CNTN6: variants seen among roughly 807,000 people sequenced by gnomAD.
The protein encoded by CNTN6 is contactin-6.
Under a neutral mutation model 122.8 loss-of-function variants are expected in CNTN6, and 137 were observed. That is an observed-to-expected ratio of 1.12 (90% CI 0.97 to 1.29). CNTN6 has a LOEUF of 1.29. Among genes scored for constraint, CNTN6 ranks in the 50% most tolerant of loss-of-function variants. The probability of loss-of-function intolerance (pLI) is 0.00; values close to 1 mark genes in which losing one functional copy is unlikely to be tolerated. For synonymous variants in CNTN6, 570 were observed against 426.0 expected, an observed-to-expected ratio of 1.34 and a Z score of -4.16; for missense variants, 1,634 against 1,223.4, an observed-to-expected ratio of 1.34 and a Z score of -5.01.
chr3:1,244,878 G>A (rs574411305), intron 4 of CNTN6, among the ~76,000 whole-genome samples: 3 of 134,634 alleles, frequency 2.2e-5, no homozygotes, highest in Admixed American at 1.7e-4. Context: ...TCTTAAGGGT[G>A]GGGGAGACTA....
At chr3:1,300,358 T>G in intron 7 of CNTN6, among the ~76,000 whole-genome samples, 1 of 151,496 alleles carries the variant, frequency 6.6e-6, no homozygotes, top group Non-Finnish European at 1.5e-5. Context: ...TCAGAGGGGG[T>G]ATGAATTCTC....
chr3:1,117,466 TTGTTTGATCGGTA>T (rs1370807501), intron 1 of CNTN6, among the ~76,000 whole-genome samples: 1 of 152,194 alleles, frequency 6.6e-6, no homozygotes, highest in African/African-American at 2.4e-5. Flanking sequence ...CTTTCTAGTT[TTGTTTGATCGGTA>T]TGTGACTTAC....
intron 5 of CNTN6, among the ~76,000 whole-genome samples, chr3:1,279,910 T>C (rs1693071306): frequency 6.6e-6 from 1 of 152,214 alleles, no homozygotes; most frequent in South Asian, 2.1e-4. Flanking sequence ...TCACCTGATA[T>C]GATAGGGAAG....
chr3:1,139,874 T>G (rs979141747), intron 1 of CNTN6, among the ~76,000 whole-genome samples: 2 of 152,196 alleles, frequency 1.3e-5, no homozygotes, highest in Non-Finnish European at 2.9e-5. Context: ...ACATGGCTGC[T>G]GGGATTGGCC....
intron 2 of CNTN6, among the ~76,000 whole-genome samples, chr3:1,197,844 C>T (rs969268057): frequency 5.3e-4 from 81 of 152,268 alleles, no homozygotes; most frequent in Non-Finnish European, 9.3e-4. Context: ...TCAAAGTCTG[C>T]TCTATTACGT....
chr3:1,386,936 A>T (rs541789268), intron 20 of CNTN6, among the ~76,000 whole-genome samples: 4 of 152,012 alleles, frequency 2.6e-5, no homozygotes, highest in South Asian at 2.1e-4. Flanking sequence ...TGTCCAAAAG[A>T]AGTTAGTTAG....
intron 4 of CNTN6, among the ~76,000 whole-genome samples, chr3:1,238,096 A>G (rs575248392): frequency 6.6e-6 from 1 of 152,296 alleles, no homozygotes; most frequent in African/African-American, 2.4e-5. Flanking sequence ...TCTCAATACT[A>G]ACATAGAAAG....
chr3:1,254,457 T>G (rs1490585530), intron 4 of CNTN6, among the ~76,000 whole-genome samples: 1 of 152,196 alleles, frequency 6.6e-6, no homozygotes, highest in African/African-American at 2.4e-5. Context: ...AGAATAAAAT[T>G]TAATCCTGTT....
chr3:1,281,713 C>T (rs1212726729), intron 5 of CNTN6, among the ~76,000 whole-genome samples: 1 of 152,150 alleles, frequency 6.6e-6, no homozygotes, highest in Non-Finnish European at 1.5e-5. Flanking sequence ...GCTGGGATTA[C>T]AGGCGTGAGC....
chr3:1,374,454 A>G (rs1457763861), intron 16 of CNTN6, among the ~76,000 whole-genome samples: 1 of 152,102 alleles, frequency 6.6e-6, no homozygotes, highest in African/African-American at 2.4e-5. Context: ...GCAGTCAGCC[A>G]TATATTTTCA....
intron 7 of CNTN6, among the ~76,000 whole-genome samples, chr3:1,311,765 A>T (rs896371294): frequency 6.6e-6 from 1 of 151,766 alleles, no homozygotes; most frequent in Non-Finnish European, 1.5e-5. Context: ...TAATTAGTAT[A>T]ATACACTGCA....
intron 4 of CNTN6, among the ~76,000 whole-genome samples, chr3:1,273,105 C>T (rs539544291): frequency 6.6e-6 from 1 of 152,218 alleles, no homozygotes; most frequent in African/African-American, 2.4e-5. Context: ...CCAAAACCAG[C>T]AATCAAACCA....
intron 1 of CNTN6, among the ~76,000 whole-genome samples, chr3:1,117,090 A>G (rs1482412699): frequency 6.6e-6 from 1 of 152,208 alleles, no homozygotes; most frequent in Non-Finnish European, 1.5e-5. Flanking sequence ...GCCAGGGAGA[A>G]TAACTGGAAA....
intron 4 of CNTN6, among the ~76,000 whole-genome samples, chr3:1,244,567 G>A (rs1300258149): frequency 1.3e-5 from 2 of 152,322 alleles, no homozygotes; most frequent in East Asian, 3.9e-4. Context: ...AGAGCAGGAG[G>A]ACGGGGGATT....
chr3:1,171,350 C>A (rs1286708907), intron 2 of CNTN6, among the ~76,000 whole-genome samples: 1 of 152,258 alleles, frequency 6.6e-6, no homozygotes, highest in East Asian at 1.9e-4. Context: ...CTAAAATAAC[C>A]CACAATTTAA....
chr3:1,296,474 T>C (rs750391232), intron 6 of CNTN6, among the ~76,000 whole-genome samples: 28 of 152,272 alleles, frequency 1.8e-4, no homozygotes, highest in Non-Finnish European at 4.0e-4. Flanking sequence ...AGAAATTCTC[T>C]AGTTGTTTTT....
intron 1 of CNTN6, among the ~76,000 whole-genome samples, chr3:1,129,333 A>G (rs543640824): frequency 1.3e-5 from 2 of 152,054 alleles, no homozygotes; most frequent in African/African-American, 2.4e-5. Flanking sequence ...CACTCAAAGT[A>G]TTGCATCTGG....
intron 1 of CNTN6, among the ~76,000 whole-genome samples, chr3:1,099,349 G>C (rs952086375): frequency 1.3e-5 from 2 of 151,946 alleles, no homozygotes; most frequent in Admixed American, 1.3e-4. Flanking sequence ...TACTGGGGAG[G>C]CTGAGGCGGG....
chr3:1,353,916 G>C (rs1211926796), intron 12 of CNTN6, among the ~76,000 whole-genome samples: 1 of 151,438 alleles, frequency 6.6e-6, no homozygotes, highest in East Asian at 1.9e-4. Flanking sequence ...TTAAAAGAAA[G>C]TTTCTTTAGA....
Sources: gnomAD v4.1 joint callset for allele counts (sites outside exome capture counted in the v4.1 genomes callset) on GRCh38, gnomAD v4.1.1 for gene constraint, MANE v1.5 for transcripts, NCBI Gene and HGNC (gene_info 2026-07-23, HGNC 2026-07-21) for gene names.